The following ADGRA3 variants were observed in gnomAD, a reference collection of about 807,000 sequenced individuals.
The protein encoded by ADGRA3 is adhesion G protein-coupled receptor A3, also known as G-protein coupled receptor 125.
Under a neutral mutation model 119.8 loss-of-function variants are expected in ADGRA3, and 56 were observed. The observed-to-expected ratio is 0.47, with a 90% CI of 0.38 to 0.58. The LOEUF (loss-of-function observed/expected upper bound fraction) is 0.58. Ranked by LOEUF, ADGRA3 falls within the 20% of genes least tolerant of loss-of-function variation. ADGRA3 has a pLI of 0.00. For missense variants in ADGRA3, 1,516 were observed against 1,649.0 expected, an observed-to-expected ratio of 0.92 and a Z score of 1.40; for synonymous variants, 607 against 623.8, an observed-to-expected ratio of 0.97 and a Z score of 0.40.
chr4:22,478,857 C>T (rs1560337868), intron 1 of ADGRA3, among the ~76,000 whole-genome samples: 1 of 151,950 alleles, frequency 6.6e-6, no homozygotes, highest in Non-Finnish European at 1.5e-5. Flanking sequence ...TAAGGATTTC[C>T]CAGAACTAAG....
intron 12 of ADGRA3, chr4:22,414,600 A>C: frequency 1.4e-6 from 1 of 699,296 alleles, no homozygotes; most frequent in Non-Finnish European, 2.6e-6. Flanking sequence ...ATTCACCGGA[A>C]TTTCCCCTTA....
At chr4:22,418,277 C>A (rs1203857954) in intron 12 of ADGRA3, among the ~76,000 whole-genome samples, 1 of 152,060 alleles carries the variant, frequency 6.6e-6, no homozygotes, top group Non-Finnish European at 1.5e-5. Flanking sequence ...CCTCAGGCAA[C>A]CAAGAAACCC....
intron 14 of ADGRA3, among the ~76,000 whole-genome samples, chr4:22,411,542 T>C (rs2109021116): frequency 6.6e-6 from 1 of 152,212 alleles, no homozygotes; most frequent in Admixed American, 6.5e-5. Flanking sequence ...GAGGCTGCAG[T>C]GAGGCGAGAT....
Position 22,436,750 on chromosome 4 carries a change from A to G in ADGRA3, c.1086-109T>C, listed in dbSNP as rs527939093. ...GATGAAGATGTGTCATGTCAATACA[A>G]CCCTGACACGGGTCATCAAAACTGG... On this transcript the variant is annotated intron_variant, in intron 8 of 18. Transcript: ENST00000334304. The G allele has an allele frequency of 1.2e-5, 11 of 885,910 alleles. No homozygotes were observed. In the African/African-American group the frequency reaches 1.7e-4, roughly 13 times the overall value. The allele number at this position is 885,910 out of a possible 1,614,324, so 54.9% of individuals were successfully genotyped here.
At chr4:22,461,951 A>G in intron 2 of ADGRA3, 143 bp from the exon 3 acceptor site, 1 of 464,586 alleles carries the variant, frequency 2.2e-6, no homozygotes. Context: ...AGCCAAGATC[A>G]ACCCAGTAGT....
intron 1 of ADGRA3, 98 bp from the exon 2 acceptor site, chr4:22,473,941 C>G (rs1717948505): frequency 1.5e-6 from 1 of 654,738 alleles, no homozygotes; most frequent in African/African-American, 1.8e-5. Flanking sequence ...AATTCTAAGA[C>G]ATCATTTATT....
chr4:22,496,681 A>G (rs996194629), intron 1 of ADGRA3, among the ~76,000 whole-genome samples: 7 of 152,190 alleles, frequency 4.6e-5, no homozygotes, highest in African/African-American at 1.7e-4. Flanking sequence ...CCTTTTGTAA[A>G]TATAAGTGGC....
chr4:22,471,791 G>A (rs960711798), intron 2 of ADGRA3, among the ~76,000 whole-genome samples: 1 of 152,094 alleles, frequency 6.6e-6, no homozygotes, highest in Non-Finnish European at 1.5e-5. Context: ...ACAAAGGAGT[G>A]AGGAAGTATT....
chr4:22,488,952 G>A (rs1057321452), intron 1 of ADGRA3, among the ~76,000 whole-genome samples: 4 of 152,112 alleles, frequency 2.6e-5, no homozygotes, highest in Non-Finnish European at 5.9e-5. Flanking sequence ...AGGGACTGAG[G>A]GAGGGAGAAA....
intron 1 of ADGRA3, among the ~76,000 whole-genome samples, chr4:22,475,285 C>T (rs1717998794): frequency 6.6e-6 from 1 of 152,114 alleles, no homozygotes; most frequent in Non-Finnish European, 1.5e-5. Flanking sequence ...AATGAGTATC[C>T]ATTAAGTTTC....
chr4:22,405,242 A>C (rs1714852204), intron 14 of ADGRA3, among the ~76,000 whole-genome samples: 1 of 152,170 alleles, frequency 6.6e-6, no homozygotes, highest in South Asian at 2.1e-4. Flanking sequence ...AGTTTAGAAG[A>C]AATCAGTTAT....
Position 22,501,117 on chromosome 4 carries a change from G to A in ADGRA3, c.257+14411C>T, listed in dbSNP as rs115374521. ...CTGGTTCTCCAGGCTACAGATCATG[G>A]GACTTCCTTATAACCATGTGAGCCA... is the stretch of plus-strand genomic sequence containing the variant. On this transcript the variant is annotated intron_variant, in intron 1 of 18. Transcript: ENST00000334304. 3.6e-3 allele frequency among the ~76,000 whole-genome samples: 553 copies of A among 152,100 alleles called. 1 individual carries two copies. Among genetic ancestry groups the A allele is most frequent in the African/African-American group, 0.013 (521 of 41,480 alleles).
At chr4:22,416,377 T>C (rs1017511735) in intron 12 of ADGRA3, among the ~76,000 whole-genome samples, 2 of 152,198 alleles carry the variant, frequency 1.3e-5, no homozygotes, top group Non-Finnish European at 2.9e-5. Context: ...GTATTTACTA[T>C]TGAAAAATCA....
chr4:22,399,349 C>A (rs73245195), intron 16 of ADGRA3, among the ~76,000 whole-genome samples: 2 of 152,220 alleles, frequency 1.3e-5, no homozygotes, highest in Non-Finnish European at 2.9e-5. Context: ...AATACAAGTT[C>A]TTATTTTTAG....
intron 3 of ADGRA3, 136 bp downstream of exon 3, chr4:22,461,601 C>G: frequency 1.7e-6 from 1 of 591,874 alleles, no homozygotes; most frequent in Non-Finnish European, 3.0e-6. Flanking sequence ...TGCCCAGCCT[C>G]TTTCTGTATC....
chr4:22,455,828 G>C (rs184506372), intron 3 of ADGRA3: 3 of 1,287,138 alleles, frequency 2.3e-6, no homozygotes, highest in Non-Finnish European at 3.0e-6. Context: ...GGCATGACTC[G>C]CATCATTGTT....
intron 1 of ADGRA3, among the ~76,000 whole-genome samples, chr4:22,482,987 C>T (rs772628009): frequency 4.1e-4 from 62 of 152,196 alleles, no homozygotes; most frequent in Non-Finnish European, 6.9e-4. Context: ...AATGACTGAG[C>T]ACAGCAGTGG....
Position 22,387,432 on chromosome 4 carries a change from C to G in ADGRA3, c.*273G>C, listed in dbSNP as rs1042225169. 1.5e-5 allele frequency: 5 copies of G among 343,204 alleles called. No homozygotes were observed. The highest frequency in any genetic ancestry group is 2.6e-5 in the Non-Finnish European group (5 of 190,446). 21.3% of individuals were successfully genotyped at this position (343,204 alleles called of 1,614,324 possible). A position where few individuals can be genotyped will look rare whatever the true frequency, so the allele number is the denominator to read the frequency against. On this transcript the variant is annotated 3_prime_UTR_variant, in exon 19 of 19. Transcript: ENST00000334304. ...AAATACAAGCCTGAAATATTAAGTA[C>G]AAATTACAGATTCCAAGAAATTACA...
chr4:22,468,809 A>C (rs1323720632), intron 2 of ADGRA3, among the ~76,000 whole-genome samples: 2 of 151,866 alleles, frequency 1.3e-5, no homozygotes, highest in Non-Finnish European at 2.9e-5. Flanking sequence ...GGAAGGAAGG[A>C]AGGCTATAGA....
Sources: allele counts gnomAD v4.1 joint callset (sites outside exome capture counted in the v4.1 genomes callset), GRCh38; gene constraint gnomAD v4.1.1; transcripts MANE v1.5; gene names NCBI Gene and HGNC (gene_info 2026-07-23, HGNC 2026-07-21).